C14orf93: variants seen among roughly 807,000 people sequenced by gnomAD.
C14orf93 encodes the protein chromosome 14 open reading frame 93.
In C14orf93, 23 loss-of-function variants were observed where a neutral mutation model predicts 44.0. The observed-to-expected ratio is 0.52, with a 90% CI of 0.38 to 0.74. C14orf93 has a LOEUF of 0.74. C14orf93 is among the 30% of genes least tolerant of loss of function. C14orf93 has a pLI of 0.00. For synonymous variants in C14orf93, 253 were observed against 265.7 expected (o/e 0.95, Z 0.46); for missense variants, 579 against 678.9 (o/e 0.85, Z 1.64).
intron 1 of C14orf93, among the ~76,000 whole-genome samples, chr14:23,002,141 T>A (rs1732840288): frequency 7.8e-6 from 1 of 128,970 alleles, no homozygotes; most frequent in Non-Finnish European, 1.6e-5. Flanking sequence ...AGAGCGAGAT[T>A]CCGTCTCAAA....
intron 3 of C14orf93, among the ~76,000 whole-genome samples, chr14:22,991,391 AC>A (rs1396352903): frequency 6.7e-6 from 1 of 150,256 alleles, no homozygotes; most frequent in South Asian, 2.1e-4. Context: ...CTACAGGTGC[AC>A]CACCACCACA....
At chr14:22,990,266 T>A in intron 3 of C14orf93, 139 bp from the exon 4 acceptor site, 1 of 667,528 alleles carries the variant, frequency 1.5e-6, no homozygotes, top group Non-Finnish European at 2.5e-6. Context: ...CTATCCAAGT[T>A]ACTATTTCTA....
chr14:22,993,559 CAAA>C (rs954529620), intron 3 of C14orf93, among the ~76,000 whole-genome samples: 3 of 151,446 alleles, frequency 2.0e-5, no homozygotes, highest in African/African-American at 7.3e-5. Flanking sequence ...AAACAAAAAA[CAAA>C]AAAAGGGGAA....
At chr14:23,009,027 A>G (rs1230995463) in intron 1 of C14orf93, among the ~76,000 whole-genome samples, 2 of 152,336 alleles carry the variant, frequency 1.3e-5, no homozygotes, top group Admixed American at 1.3e-4. Flanking sequence ...ACCAAACCAC[A>G]CATAAAGGCC....
intron 3 of C14orf93, among the ~76,000 whole-genome samples, chr14:22,990,822 CTT>C (rs754334097): frequency 5.4e-5 from 7 of 130,200 alleles, no homozygotes; most frequent in Non-Finnish European, 1.0e-4. Context: ...CTTTCCTTTT[CTT>C]TTTTTTTTTT....
chr14:22,994,676 A>G (rs904478097), intron 3 of C14orf93, among the ~76,000 whole-genome samples: 4 of 151,306 alleles, frequency 2.6e-5, no homozygotes, highest in Admixed American at 6.6e-5. Context: ...GCAGTGAGCC[A>G]TGATCACACC....
chr14:22,993,503 A>G lies in C14orf93; in HGVS notation c.918+2445T>C, dbSNP rs138422632. ...AGTAGTCCACACTTAAGGAATCACAAAGGAGTGGGCGAATGTTTCAGAAAG... is the reference window on the plus strand; with the variant it reads ...AGTAGTCCACACTTAAGGAATCACAGAGGAGTGGGCGAATGTTTCAGAAAG... On this transcript the variant is annotated intron_variant, in intron 3 of 6. Coordinates refer to ENST00000299088, the MANE Select transcript of C14orf93 (RefSeq NM_021944.4). 2.4e-3 allele frequency among the ~76,000 whole-genome samples: 369 copies of G among 152,336 alleles called. 2 individuals are homozygous for G. Among genetic ancestry groups the G allele is most frequent in the African/African-American group, 8.4e-3 (351 of 41,578 alleles).
At chr14:22,991,095 G>T (rs1161155623) in intron 3 of C14orf93, among the ~76,000 whole-genome samples, 14 of 151,530 alleles carry the variant, frequency 9.2e-5, no homozygotes, top group Admixed American at 2.0e-4. Context: ...TGGGATTACA[G>T]GTGTAAGCCA....
At chr14:23,002,449 C>T (rs2046360321) in intron 1 of C14orf93, among the ~76,000 whole-genome samples, 1 of 117,070 alleles carries the variant, frequency 8.5e-6, no homozygotes, top group South Asian at 2.7e-4. Flanking sequence ...GAGACTCCAT[C>T]TCAAAAAAAA....
intron 1 of C14orf93, among the ~76,000 whole-genome samples, chr14:23,003,829 G>A (rs2046430822): frequency 7.9e-6 from 1 of 126,480 alleles, no homozygotes. Flanking sequence ...CTGGTGAGTG[G>A]GGTGAGATAT....
chr14:22,995,401 T>G (rs530212248), intron 3 of C14orf93, among the ~76,000 whole-genome samples: 1 of 152,130 alleles, frequency 6.6e-6, no homozygotes, highest in Non-Finnish European at 1.5e-5. Flanking sequence ...CTAGGAAGGC[T>G]GGGCATGGTG....
At chr14:23,004,497 C>T (rs8022177) in intron 1 of C14orf93, among the ~76,000 whole-genome samples, 27,498 of 152,032 alleles carry the variant, frequency 0.18, 7,018 homozygotes, top group African/African-American at 0.58. Context: ...TAAAGGATGA[C>T]TCACCAAAAT....
intron 1 of C14orf93, among the ~76,000 whole-genome samples, chr14:23,009,769 A>T (rs1566706253): frequency 6.6e-6 from 1 of 152,166 alleles, no homozygotes; most frequent in Admixed American, 6.5e-5. Flanking sequence ...CCCGCTTAAA[A>T]AATTCTGTAC....
In C14orf93 at chr14:23,004,156, C is replaced by A. The variant is rs532353825; in HGVS notation, c.-379-4754G>T. Among the ~76,000 whole-genome samples the A allele has an allele frequency of 2.7e-5, 4 of 150,766 alleles. No individual in the cohort carries two copies. The East Asian group carries it at 6.0e-4, about 22-fold the overall frequency. On this transcript the variant is annotated intron_variant, in intron 1 of 6. Coordinates refer to ENST00000299088, the MANE Select transcript of C14orf93 (RefSeq NM_021944.4). ...AACTCCTGACCTTGTGATCCGCCCT[C>A]CTCAGCCTCCCAAAGTGCTGAGATT...
chr14:22,999,189 G>T lies in C14orf93; in HGVS notation c.-166C>A. ...AGAAGAGTAAACAAGCCATGAAGAAGCACACAGTCCATGGCGGCCTCTCCT... is the reference window on the plus strand; with the variant it reads ...AGAAGAGTAAACAAGCCATGAAGAATCACACAGTCCATGGCGGCCTCTCCT... On this transcript the variant is annotated 5_prime_UTR_variant, in exon 2 of 7. Coordinates refer to ENST00000299088, the MANE Select transcript of C14orf93 (RefSeq NM_021944.4). The T allele has an allele frequency of 8.9e-7, 1 of 1,127,416 alleles. No homozygotes were observed. 69.8% of individuals were successfully genotyped at this position (1,127,416 alleles called of 1,614,324 possible).
chr14:23,008,863 C>CCCATCA (rs778020807), intron 1 of C14orf93, among the ~76,000 whole-genome samples: 3 of 152,198 alleles, frequency 2.0e-5, no homozygotes, highest in Non-Finnish European at 4.4e-5. Flanking sequence ...CTCTTGGCTC[C>CCCATCA]CCATCACCAT....
rs116181717 is a variant in C14orf93, at chr14:23,000,371, T to C, written c.-379-969A>G. ...AAACCTTAAGTATGTTTACAATTTC[T>C]CTGAGAGATGCATTTCTCTCTTACC... On this transcript the variant is annotated intron_variant, in intron 1 of 6. Coordinates refer to ENST00000299088, the MANE Select transcript of C14orf93 (RefSeq NM_021944.4). Among the ~76,000 whole-genome samples, 366 of 152,286 alleles carry C rather than the reference T, an allele frequency of 2.4e-3. 1 individual carries two copies. The highest frequency in any genetic ancestry group is 8.4e-3 in the African/African-American group (348 of 41,560).
chr14:23,004,724 G>C (rs1443863135), intron 1 of C14orf93, among the ~76,000 whole-genome samples: 1 of 151,970 alleles, frequency 6.6e-6, no homozygotes, highest in Admixed American at 6.6e-5. Flanking sequence ...TTCGAGACCA[G>C]CCTGACCAAC....
intron 5 of C14orf93, among the ~76,000 whole-genome samples, chr14:22,988,589 C>A (rs77385770): frequency 0.097 from 14,700 of 152,136 alleles, 2,364 homozygotes; most frequent in African/African-American, 0.33. Context: ...CTGCAGCCTC[C>A]AACTCCTGGG....
Sources: allele counts gnomAD v4.1 joint callset (sites outside exome capture counted in the v4.1 genomes callset), GRCh38; gene constraint gnomAD v4.1.1; transcripts MANE v1.5; gene names NCBI Gene and HGNC (gene_info 2026-07-23, HGNC 2026-07-21).